Variants in RARB observed in about 807,000 individuals in gnomAD.
The protein encoded by RARB is retinoic acid receptor beta, also known as HBV-activated protein.
RARB carries 17 observed loss-of-function variants against 51.9 expected under a neutral mutation model. The ratio of observed to expected loss-of-function variants is 0.33; its 90% CI spans 0.22 to 0.49. The LOEUF is 0.49. RARB is among the 20% of genes least tolerant of loss of function. The pLI is 0.99. For synonymous variants in RARB, 215 were observed against 195.4 expected (o/e 1.10, Z -0.84); for missense variants, 369 against 550.8 (o/e 0.67, Z 3.30).
chr3:25,534,645 TA>T (rs1410626109), intron 3 of RARB, among the ~76,000 whole-genome samples: 1 of 152,232 alleles, frequency 6.6e-6, no homozygotes, highest in Non-Finnish European at 1.5e-5. Flanking sequence ...ACACAGGTCA[TA>T]GTTTTTGTTT....
chr3:25,288,707 A>T (rs949898304), intron 5 of RARB, among the ~76,000 whole-genome samples: 3 of 152,150 alleles, frequency 2.0e-5, no homozygotes, highest in Non-Finnish European at 4.4e-5. Flanking sequence ...AGCCAAGCAG[A>T]ACTGTCTCAG....
intron 2 of RARB, among the ~76,000 whole-genome samples, chr3:24,975,313 T>G (rs1468222769): frequency 6.6e-6 from 1 of 152,144 alleles, no homozygotes; most frequent in East Asian, 1.9e-4. Context: ...CACTACTGTT[T>G]TTTTGGTTTT....
At chr3:25,152,603 AT>A (rs1198078150) in intron 4 of RARB, among the ~76,000 whole-genome samples, 3 of 152,186 alleles carry the variant, frequency 2.0e-5, no homozygotes, top group Non-Finnish European at 4.4e-5. Context: ...TATAATACAC[AT>A]TTAATTATAA....
intron 2 of RARB, among the ~76,000 whole-genome samples, chr3:25,469,058 G>T (rs749254702): frequency 6.6e-6 from 1 of 152,170 alleles, no homozygotes; most frequent in Non-Finnish European, 1.5e-5. Context: ...AACTCCACTA[G>T]CCCCCTCAGT....
intron 2 of RARB, among the ~76,000 whole-genome samples, chr3:25,012,153 T>C (rs1487371013): frequency 6.6e-6 from 1 of 152,098 alleles, no homozygotes; most frequent in African/African-American, 2.4e-5. Context: ...CTGGATTACA[T>C]TGACCCCACT....
chr3:25,187,442 A>G (rs1411393111), intron 5 of RARB, among the ~76,000 whole-genome samples: 1 of 152,092 alleles, frequency 6.6e-6, no homozygotes, highest in Non-Finnish European at 1.5e-5. Context: ...TTAAGTATTC[A>G]TCTTCCAGTA....
chr3:25,355,502 T>C (rs1284584758), intron 5 of RARB, among the ~76,000 whole-genome samples: 1 of 151,498 alleles, frequency 6.6e-6, no homozygotes, highest in East Asian at 1.9e-4. Flanking sequence ...GGCTGGAGTT[T>C]GTTTGTTTGT....
chr3:25,237,176 A>T (rs74383177), intron 5 of RARB, among the ~76,000 whole-genome samples: 1,687 of 152,190 alleles, frequency 0.011, 22 homozygotes, highest in African/African-American at 0.039. Flanking sequence ...GAGGAATTCC[A>T]TATAAAACAA....
chr3:25,176,690 G>A (rs569190740), intron 5 of RARB, among the ~76,000 whole-genome samples: 12 of 151,876 alleles, frequency 7.9e-5, no homozygotes, highest in East Asian at 3.9e-4. Context: ...CACCGTGCCC[G>A]GTCTTGGCTA....
chr3:24,923,556 C>T (rs2125388531), intron 2 of RARB, among the ~76,000 whole-genome samples: 1 of 151,666 alleles, frequency 6.6e-6, no homozygotes, highest in South Asian at 2.1e-4. Flanking sequence ...AGCTCTAGCT[C>T]TGACAATTTG....
intron 5 of RARB, among the ~76,000 whole-genome samples, chr3:25,364,863 T>C (rs1046100127): frequency 1.3e-5 from 2 of 152,218 alleles, no homozygotes; most frequent in African/African-American, 2.4e-5. Context: ...CTGCCTCTTA[T>C]TATGAAAGAT....
At chr3:25,246,784 A>C (rs919201634) in intron 5 of RARB, among the ~76,000 whole-genome samples, 1 of 152,150 alleles carries the variant, frequency 6.6e-6, no homozygotes, top group African/African-American at 2.4e-5. Flanking sequence ...TCTCCCCATC[A>C]GGAGGCACAG....
At chr3:25,009,073 C>T (rs1029923585) in intron 2 of RARB, among the ~76,000 whole-genome samples, 3 of 152,116 alleles carry the variant, frequency 2.0e-5, no homozygotes, top group Non-Finnish European at 4.4e-5. Flanking sequence ...AAATCAGTCC[C>T]TTCTAATTTG....
At chr3:25,102,921 C>T (rs1441095661) in intron 3 of RARB, among the ~76,000 whole-genome samples, 1 of 152,102 alleles carries the variant, frequency 6.6e-6, no homozygotes, top group Non-Finnish European at 1.5e-5. Context: ...GGTGGTGATG[C>T]ATGCCTGTAA....
At chr3:25,499,584 A>C (rs1272443265) in intron 2 of RARB, among the ~76,000 whole-genome samples, 1 of 152,244 alleles carries the variant, frequency 6.6e-6, no homozygotes, top group African/African-American at 2.4e-5. Context: ...TGTTTCCCAG[A>C]AAATCAGGAT....
chr3:25,308,559 G>A lies in RARB; in HGVS notation c.178+133984G>A, dbSNP rs141090500. Among the ~76,000 whole-genome samples the A allele has an allele frequency of 7.3e-3, 1,095 of 149,952 alleles. 12 individuals are homozygous for A. Among genetic ancestry groups the A allele is most frequent in the African/African-American group, 0.026 (1,050 of 40,672 alleles). ...TGCCTCCCAGGTTCAAGCGATTCTC[G>A]TGCCTCAGCCTCCAGAGTAGCTGGG... On this transcript the variant is annotated intron_variant, in intron 5 of 11. Coordinates refer to the RARB transcript ENST00000383772.
chr3:25,422,601 A>G (rs1441008294), intron 5 of RARB, among the ~76,000 whole-genome samples: 1 of 152,076 alleles, frequency 6.6e-6, no homozygotes, highest in Non-Finnish European at 1.5e-5. Context: ...GTTACCCAAA[A>G]CTCCTTCTTA....
At chr3:24,986,176 T>C (rs1410180334) in intron 2 of RARB, among the ~76,000 whole-genome samples, 3 of 152,156 alleles carry the variant, frequency 2.0e-5, no homozygotes, top group Admixed American at 2.0e-4. Context: ...ATTGAATGTC[T>C]GTGTGTTCCT....
intron 5 of RARB, among the ~76,000 whole-genome samples, chr3:25,269,138 T>C (rs2125410451): frequency 6.6e-6 from 1 of 152,308 alleles, no homozygotes; most frequent in African/African-American, 2.4e-5. Context: ...ATATAATTTT[T>C]CAAGTATGTG....
Sources: gnomAD v4.1 joint callset for allele counts (sites outside exome capture counted in the v4.1 genomes callset) on GRCh38, gnomAD v4.1.1 for gene constraint, MANE v1.5 for transcripts, NCBI Gene and HGNC (gene_info 2026-07-23, HGNC 2026-07-21) for gene names.